Variants in ADGRL2 observed in about 807,000 individuals in gnomAD.
ADGRL2 encodes adhesion G protein-coupled receptor L2.
In ADGRL2, 44 loss-of-function variants were observed where a neutral mutation model predicts 157.4. The observed-to-expected ratio is 0.28, with a 90% CI of 0.22 to 0.36. The LOEUF is 0.36. Ranked by LOEUF, ADGRL2 falls within the 10% of genes least tolerant of loss-of-function variation. ADGRL2 has a pLI of 1.00. For missense variants in ADGRL2, 1,510 were observed against 1,768.9 expected (o/e 0.85, Z 2.63); for synonymous variants, 585 against 624.7 (o/e 0.94, Z 0.95).
chr1:81,597,014 T>C (rs1281455848), intron 3 of ADGRL2, among the ~76,000 whole-genome samples: 3 of 152,196 alleles, frequency 2.0e-5, no homozygotes, highest in Non-Finnish European at 4.4e-5. Context: ...ACCAAATAAG[T>C]ATTTAAGCAC....
In ADGRL2 at chr1:81,966,677, A is replaced by G; in HGVS notation, c.2349+68A>G. 2.2e-6 allele frequency: 3 copies of G among 1,380,664 alleles called. No individual in the cohort carries two copies. The Admixed American group carries it at 5.1e-5, about 23-fold the overall frequency. 85.5% of individuals were successfully genotyped at this position (1,380,664 alleles called of 1,614,324 possible). ...GCAGAAAGAAAGGAAAGCAAAACTGAGGTGCTGGGGATGGGGAGAGAACTG... is the reference window on the plus strand; with the variant it reads ...GCAGAAAGAAAGGAAAGCAAAACTGGGGTGCTGGGGATGGGGAGAGAACTG... On this transcript the variant is annotated intron_variant, in intron 13 of 23. Coordinates refer to ENST00000686636, the MANE Select transcript of ADGRL2 (RefSeq NM_001366006.2).
chr1:81,446,921 C>G (rs1054535135), intron 2 of ADGRL2, among the ~76,000 whole-genome samples: 1 of 151,968 alleles, frequency 6.6e-6, no homozygotes, highest in South Asian at 2.1e-4. Context: ...CTTTTAATAA[C>G]TAAAATGTGG....
chr1:81,937,673 T>C (rs1462774404), intron 4 of ADGRL2, among the ~76,000 whole-genome samples: 3 of 151,826 alleles, frequency 2.0e-5, no homozygotes, highest in Admixed American at 6.6e-5. Context: ...AGAGATGTCA[T>C]TTAGTCATGT....
intron 2 of ADGRL2, among the ~76,000 whole-genome samples, chr1:81,466,149 G>C (rs1161082285): frequency 6.6e-6 from 1 of 152,160 alleles, no homozygotes; most frequent in Non-Finnish European, 1.5e-5. Flanking sequence ...TTGTCTAATG[G>C]CAAAATATTA....
chr1:81,537,361 A>G (rs759905870), intron 2 of ADGRL2, among the ~76,000 whole-genome samples: 1 of 152,038 alleles, frequency 6.6e-6, no homozygotes, highest in Non-Finnish European at 1.5e-5. Flanking sequence ...TTGGCTCACC[A>G]CAACCTCTGC....
intron 2 of ADGRL2, among the ~76,000 whole-genome samples, chr1:81,509,655 C>G (rs747762745): frequency 2.6e-5 from 4 of 152,172 alleles, no homozygotes; most frequent in Non-Finnish European, 5.9e-5. Context: ...TCAAACAGAG[C>G]CTGAGGAGCT....
intron 1 of ADGRL2, among the ~76,000 whole-genome samples, chr1:81,410,236 T>C (rs1358583127): frequency 6.6e-6 from 1 of 152,260 alleles, no homozygotes; most frequent in East Asian, 1.9e-4. Context: ...AGTCATACAA[T>C]GATTTGCTAT....
chr1:81,481,472 C>A (rs984771676), intron 2 of ADGRL2, among the ~76,000 whole-genome samples: 2 of 152,158 alleles, frequency 1.3e-5, no homozygotes, highest in African/African-American at 4.8e-5. Flanking sequence ...AGATGTGGCC[C>A]TCGGCGCAGA....
At chr1:81,844,393 T>C (rs896684494) in intron 2 of ADGRL2, among the ~76,000 whole-genome samples, 3 of 152,208 alleles carry the variant, frequency 2.0e-5, no homozygotes, top group African/African-American at 7.2e-5. Flanking sequence ...TAATACACTT[T>C]AATTTTTTAA....
intron 2 of ADGRL2, among the ~76,000 whole-genome samples, chr1:81,494,174 A>C (rs904515003): frequency 6.6e-6 from 1 of 152,168 alleles, no homozygotes; most frequent in African/African-American, 2.4e-5. Context: ...CTGTCTCAGT[A>C]GGGGTGTCAG....
intron 1 of ADGRL2, among the ~76,000 whole-genome samples, chr1:81,704,585 A>G (rs1207720267): frequency 6.6e-6 from 1 of 152,156 alleles, no homozygotes; most frequent in Non-Finnish European, 1.5e-5. Context: ...GCTGCTTCCA[A>G]TTTCCTTCTT....
At chr1:81,713,018 A>G (rs867960936) in intron 1 of ADGRL2, among the ~76,000 whole-genome samples, 3 of 152,052 alleles carry the variant, frequency 2.0e-5, no homozygotes, top group African/African-American at 4.8e-5. Flanking sequence ...TTGGCCTCCC[A>G]AAGTGCTGGG....
chr1:81,635,509 C>A (rs936960349), intron 3 of ADGRL2, among the ~76,000 whole-genome samples: 2 of 152,178 alleles, frequency 1.3e-5, no homozygotes, highest in African/African-American at 4.8e-5. Context: ...TTGTTTCTCA[C>A]AGTTCTGAAG....
chr1:81,784,633 C>A (rs2086952654), intron 2 of ADGRL2, among the ~76,000 whole-genome samples: 1 of 150,584 alleles, frequency 6.6e-6, no homozygotes, highest in Non-Finnish European at 1.5e-5. Flanking sequence ...GAGGCTGAGG[C>A]ACGAGAATCA....
chr1:81,318,783 T>C (rs188227370), intron 1 of ADGRL2, among the ~76,000 whole-genome samples: 59 of 152,190 alleles, frequency 3.9e-4, no homozygotes, highest in African/African-American at 1.3e-3. Context: ...AGTCATAAAA[T>C]TCAGCATTGC....
upstream of ADGRL2, among the ~76,000 whole-genome samples, chr1:81,696,794 G>A (rs1025027994): frequency 3.9e-5 from 6 of 152,024 alleles, no homozygotes; most frequent in East Asian, 9.6e-4. Flanking sequence ...GAGAGGAGTT[G>A]ATGTTAACTC....
chr1:81,952,273 A>C (rs112098725), intron 9 of ADGRL2, 131 bp downstream of exon 9: 1 of 625,122 alleles, frequency 1.6e-6, no homozygotes. Context: ...AATTTGGTTC[A>C]TTTTTCCAAG....
chr1:81,844,828 T>TA (rs537459619), intron 2 of ADGRL2, among the ~76,000 whole-genome samples: 520 of 152,288 alleles, frequency 3.4e-3, no homozygotes, highest in Non-Finnish European at 4.7e-3. Context: ...AATCTCTTCT[T>TA]ATCAGCATGG....
intron 2 of ADGRL2, chr1:81,502,858 C>T (rs947091377): frequency 7.4e-6 from 12 of 1,612,948 alleles, no homozygotes; most frequent in Non-Finnish European, 1.0e-5. Flanking sequence ...CCTCTCCCCA[C>T]CCAAGATCCG....
Sources: allele counts gnomAD v4.1 joint callset (sites outside exome capture counted in the v4.1 genomes callset), GRCh38; gene constraint gnomAD v4.1.1; transcripts MANE v1.5; gene names NCBI Gene and HGNC (gene_info 2026-07-23, HGNC 2026-07-21).